PTPRN2: variants seen among roughly 807,000 people sequenced by gnomAD.
PTPRN2 encodes protein tyrosine phosphatase receptor type N2.
PTPRN2 carries 74 observed loss-of-function variants against 118.8 expected under a neutral mutation model. The observed-to-expected ratio is 0.62, with a 90% CI of 0.52 to 0.76. PTPRN2 has a LOEUF of 0.76. PTPRN2 is among the 30% of genes least tolerant of loss of function. PTPRN2 has a pLI of 0.00. For missense variants in PTPRN2, 1,481 were observed against 1,394.4 expected, an observed-to-expected ratio of 1.06 and a Z score of -0.99; for synonymous variants, 641 against 608.0, an observed-to-expected ratio of 1.05 and a Z score of -0.80.
intron 13 of PTPRN2, among the ~76,000 whole-genome samples, chr7:157,666,614 C>A (rs1177989353): frequency 1.3e-5 from 2 of 152,196 alleles, no homozygotes; most frequent in Non-Finnish European, 2.9e-5. Flanking sequence ...AGGCTGAGGA[C>A]CAGGACTCTG....
At chr7:158,536,651 C>T (rs904514256) in intron 1 of PTPRN2, among the ~76,000 whole-genome samples, 6 of 151,622 alleles carry the variant, frequency 4.0e-5, no homozygotes, top group African/African-American at 1.5e-4. Context: ...AGGGCCTTCC[C>T]AGCCCACCAT....
At chr7:158,317,061 AGAGGGCTGT>A (rs1159365111) in intron 2 of PTPRN2, 129 bp from the exon 3 acceptor site, 2 of 656,596 alleles carry the variant, frequency 3.0e-6, no homozygotes, top group Non-Finnish European at 5.0e-6. Flanking sequence ...CGGCGTCACC[AGAGGGCTGT>A]TAGGACCCGG....
At chr7:157,807,413 T>C (rs1037676456) in intron 12 of PTPRN2, among the ~76,000 whole-genome samples, 2 of 152,184 alleles carry the variant, frequency 1.3e-5, no homozygotes, top group Admixed American at 6.5e-5. Flanking sequence ...TAGCACTCCC[T>C]GCCCTTGTCA....
At chr7:158,146,487 T>G (rs1348391080) in intron 6 of PTPRN2, among the ~76,000 whole-genome samples, 1 of 151,986 alleles carries the variant, frequency 6.6e-6, no homozygotes, top group African/African-American at 2.4e-5. Context: ...TTTGGGACGC[T>G]GAGGCATGCG....
intron 13 of PTPRN2, among the ~76,000 whole-genome samples, chr7:157,670,203 G>A (rs953356962): frequency 6.6e-6 from 1 of 152,162 alleles, no homozygotes; most frequent in Non-Finnish European, 1.5e-5. Flanking sequence ...GTGGGTGGCT[G>A]GGAAACGCAG....
intron 2 of PTPRN2, among the ~76,000 whole-genome samples, chr7:158,449,022 G>A (rs1817919123): frequency 6.6e-6 from 1 of 152,206 alleles, no homozygotes; most frequent in Non-Finnish European, 1.5e-5. Context: ...GGCAGCACGT[G>A]CCCACTCAGC....
At chr7:158,228,636 A>G (rs1042859053) in intron 3 of PTPRN2, among the ~76,000 whole-genome samples, 2 of 152,028 alleles carry the variant, frequency 1.3e-5, no homozygotes, top group Non-Finnish European at 2.9e-5. Context: ...AGGAACACAG[A>G]AAATTGAAAA....
intron 21 of PTPRN2, among the ~76,000 whole-genome samples, chr7:157,559,035 G>A (rs1799044584): frequency 6.6e-6 from 1 of 152,348 alleles, no homozygotes; most frequent in East Asian, 1.9e-4. Flanking sequence ...GCACGGGATC[G>A]CTGCCCTTCC....
At position 158,353,101 on chromosome 7, in the gene PTPRN2, C is replaced by T. The variant is rs536059142; in HGVS notation, c.164-36169G>A. Among the ~76,000 whole-genome samples, 51 of 152,332 alleles carry T rather than the reference C, an allele frequency of 3.3e-4. 1 individual carries two copies. Among genetic ancestry groups the T allele is most frequent in the African/African-American group, 1.2e-3 (51 of 41,578 alleles). ...ACAGCAGCATGTATTTCACTCAGGA[C>T]CCTTCATTTTACAAATAAGAAAACT... On this transcript the variant is annotated intron_variant, in intron 2 of 22. Coordinates refer to ENST00000389418, the MANE Select transcript of PTPRN2 (RefSeq NM_002847.5).
chr7:157,625,625 C>T (rs370899552), intron 14 of PTPRN2, among the ~76,000 whole-genome samples: 2 of 152,094 alleles, frequency 1.3e-5, no homozygotes, highest in East Asian at 3.9e-4. Flanking sequence ...AAATATGGTG[C>T]AGTGTATACT....
intron 21 of PTPRN2, among the ~76,000 whole-genome samples, chr7:157,564,947 C>T (rs755256464): frequency 6.6e-6 from 1 of 152,242 alleles, no homozygotes; most frequent in South Asian, 2.1e-4. Context: ...TGCGGTCCAT[C>T]CATGCCATGG....
intron 2 of PTPRN2, among the ~76,000 whole-genome samples, chr7:158,470,606 A>C (rs1340189993): frequency 6.6e-6 from 1 of 152,196 alleles, no homozygotes; most frequent in Non-Finnish European, 1.5e-5. Flanking sequence ...CCGGCTGCTC[A>C]GTCAGTTCCC....
At chr7:158,222,109 G>T (rs1563621027) in intron 3 of PTPRN2, among the ~76,000 whole-genome samples, 1 of 152,192 alleles carries the variant, frequency 6.6e-6, no homozygotes, top group Non-Finnish European at 1.5e-5. Context: ...AACAGGGAAT[G>T]CTTATACACT....
Position 157,903,846 on chromosome 7 carries a change from C to T in PTPRN2, c.1724-5109G>A, listed in dbSNP as rs376961938. ...CTTCCCACACTTCAATCCGTCTCCC[C>T]ATCCAGGCTGTGGATTTCCATGCAC... On this transcript the variant is annotated intron_variant, in intron 11 of 22. Coordinates refer to ENST00000389418, the MANE Select transcript of PTPRN2 (RefSeq NM_002847.5). The surrounding 1 kb of genome is among the most constrained non-coding windows in gnomAD (Gnocchi z 4.2). Among the ~76,000 whole-genome samples, 14 of 152,338 alleles carry T rather than the reference C, an allele frequency of 9.2e-5. No homozygotes were observed. In the East Asian group the frequency reaches 1.5e-3, roughly 17 times the overall value.
At chr7:157,649,104 T>G (rs1805408875) in intron 14 of PTPRN2, among the ~76,000 whole-genome samples, 1 of 131,206 alleles carries the variant, frequency 7.6e-6, no homozygotes, top group Non-Finnish European at 1.6e-5. Flanking sequence ...CTGAACTCGG[T>G]GGGTCGGACC....
At chr7:157,992,365 C>T (rs560537279) in intron 11 of PTPRN2, among the ~76,000 whole-genome samples, 57 of 152,302 alleles carry the variant, frequency 3.7e-4, no homozygotes, top group Admixed American at 3.3e-3. Context: ...GGAGTGGAAT[C>T]GCCATGGCCA....
At chr7:157,754,761 C>T (rs928932169) in intron 12 of PTPRN2, among the ~76,000 whole-genome samples, 3 of 152,186 alleles carry the variant, frequency 2.0e-5, no homozygotes, top group African/African-American at 4.8e-5. Context: ...TGGGATGCCA[C>T]GTCAAGTTGG....
rs1156663141 is a variant in PTPRN2, at chr7:157,845,366, T to A, written c.1788+53307A>T. On this transcript the variant is annotated intron_variant, in intron 12 of 22. Coordinates refer to ENST00000389418, the MANE Select transcript of PTPRN2 (RefSeq NM_002847.5). This position sits in a 1 kb window ranked among gnomAD's most constrained non-coding sequence, Gnocchi z 4.5. The stretch of plus-strand genomic sequence containing the variant: ...GAATCACGCAGCCTAACTCACCATG[T>A]TCCCGGCCACGCCACAGTGAATCAC... Among the ~76,000 whole-genome samples, 1 of 152,026 alleles carries A rather than the reference T, an allele frequency of 6.6e-6. No homozygotes were observed. The highest frequency in any genetic ancestry group is 1.5e-5 in the Non-Finnish European group (1 of 68,002).
At chr7:157,790,220 T>C (rs1585475378) in intron 12 of PTPRN2, among the ~76,000 whole-genome samples, 1 of 136,770 alleles carries the variant, frequency 7.3e-6, no homozygotes, top group Non-Finnish European at 1.6e-5. Flanking sequence ...GTGACGTGTG[T>C]GTATGGTGGT....
Sources: gnomAD v4.1 joint callset for allele counts (sites outside exome capture counted in the v4.1 genomes callset) on GRCh38, gnomAD v4.1.1 for gene constraint, Gnocchi (gnomAD v3.1) non-coding constraint, MANE v1.5 for transcripts, NCBI Gene and HGNC (gene_info 2026-07-23, HGNC 2026-07-21) for gene names.